Variants in DLGAP1 observed in about 807,000 individuals in gnomAD.
The protein encoded by DLGAP1 is disks large-associated protein 1.
A neutral mutation model predicts 90.8 loss-of-function variants in DLGAP1; 11 were observed. The observed-to-expected ratio is 0.12, with a 90% CI of 0.08 to 0.20. The LOEUF (loss-of-function observed/expected upper bound fraction) is 0.20. Among genes scored for constraint, DLGAP1 ranks in the 10% least tolerant of loss-of-function variants. The probability of loss-of-function intolerance (pLI) is 1.00; values close to 1 mark genes in which losing one functional copy is unlikely to be tolerated. For synonymous variants in DLGAP1, 558 were observed against 540.7 expected (o/e 1.03, Z -0.44); for missense variants, 1,050 against 1,333.8 (o/e 0.79, Z 3.31).
At chr18:3,712,619 T>A (rs781782062) in intron 7 of DLGAP1, among the ~76,000 whole-genome samples, 2 of 152,200 alleles carry the variant, frequency 1.3e-5, no homozygotes, top group Non-Finnish European at 2.9e-5. Context: ...GACAATATGG[T>A]GCGTGAAATG....
At position 4,409,454 on chromosome 18, in the gene DLGAP1, C is replaced by T. The variant is rs192530876; in HGVS notation, c.-267+45552G>A. On this transcript the variant is annotated intron_variant, in intron 1 of 12. Coordinates refer to ENST00000315677, the MANE Select transcript of DLGAP1 (RefSeq NM_004746.4). ...CCTTTTGGTCTTCTTATCTCTATCA[C>T]AGAATTCACAAATCTTGAAAATAAA... Among the ~76,000 whole-genome samples, 217 of 152,264 alleles carry T rather than the reference C, an allele frequency of 1.4e-3. 1 individual carries two copies. The highest frequency in any genetic ancestry group is 4.9e-3 in the African/African-American group (203 of 41,568).
chr18:3,805,733 G>T (rs944448111), intron 5 of DLGAP1, among the ~76,000 whole-genome samples: 1 of 152,204 alleles, frequency 6.6e-6, no homozygotes, highest in African/African-American at 2.4e-5. Flanking sequence ...AGGCTGTAAA[G>T]ATCTTATATA....
chr18:4,278,168 A>G (rs775971986), intron 1 of DLGAP1, among the ~76,000 whole-genome samples: 7 of 152,178 alleles, frequency 4.6e-5, no homozygotes, highest in Non-Finnish European at 1.0e-4. Flanking sequence ...ATATGTATAC[A>G]AAAAGGCTAT....
At chr18:3,957,811 C>G (rs1290365350) in intron 3 of DLGAP1, among the ~76,000 whole-genome samples, 1 of 152,038 alleles carries the variant, frequency 6.6e-6, no homozygotes, top group Non-Finnish European at 1.5e-5. Context: ...TTATATGGAG[C>G]CCAGTATGGG....
At chr18:3,635,163 C>T (rs1174854221) in intron 7 of DLGAP1, among the ~76,000 whole-genome samples, 2 of 147,616 alleles carry the variant, frequency 1.4e-5, no homozygotes, top group East Asian at 2.0e-4. Flanking sequence ...GGGAGTCTCG[C>T]TCTTTCACCC....
intron 2 of DLGAP1, among the ~76,000 whole-genome samples, chr18:4,106,031 CAAAAAAAAAAAAA>C (rs60176243): frequency 0.52 from 53,205 of 103,024 alleles, 10,951 homozygotes; most frequent in African/African-American, 0.59. Context: ...GGGTCCGTCT[CAAAAAAAAAAAAA>C]AAAAAAAAAA....
At chr18:4,277,226 T>C (rs1371731413) in intron 1 of DLGAP1, among the ~76,000 whole-genome samples, 1 of 152,238 alleles carries the variant, frequency 6.6e-6, no homozygotes, top group African/African-American at 2.4e-5. Flanking sequence ...TGTGATCTAA[T>C]AATGCTGCAA....
chr18:4,330,848 A>AAATCATGTT lies in DLGAP1; in HGVS notation c.-267+124149_-267+124157dup, dbSNP rs148575273. 9.6e-4 allele frequency among the ~76,000 whole-genome samples: 146 copies of AAATCATGTT among 152,004 alleles called. 3 individuals carry two copies. Among genetic ancestry groups the AAATCATGTT allele is most frequent in the East Asian group, 8.9e-3 (46 of 5,168 alleles). On this transcript the variant is annotated intron_variant, in intron 1 of 12. Coordinates refer to ENST00000315677, the MANE Select transcript of DLGAP1 (RefSeq NM_004746.4). ...CTGTTGATGAGAGAAATATTCAAGC[A>AAATCATGTT]AATCATGTTAGATGATAGTTTGTTC...
intron 4 of DLGAP1, among the ~76,000 whole-genome samples, chr18:3,818,414 C>T (rs1381066439): frequency 1.6e-5 from 2 of 124,630 alleles, no homozygotes; most frequent in African/African-American, 6.2e-5. Context: ...AGCTGGAGTG[C>T]AGTGGCGTGA....
At chr18:4,293,482 G>A (rs1323527302) in intron 1 of DLGAP1, 4 of 152,222 alleles carry the variant, frequency 2.6e-5, no homozygotes, top group Admixed American at 1.3e-4. Context: ...ACTGAATCAT[G>A]TAAAAGCAGA....
intron 2 of DLGAP1, among the ~76,000 whole-genome samples, chr18:4,121,702 A>G (rs556976014): frequency 6.6e-6 from 1 of 152,122 alleles, no homozygotes; most frequent in South Asian, 2.1e-4. Context: ...AGTTGTGCCC[A>G]ATCTCTCTCC....
chr18:3,674,295 A>AT (rs751799939), intron 7 of DLGAP1, among the ~76,000 whole-genome samples: 60,116 of 134,300 alleles, frequency 0.45, 14,061 homozygotes, highest in East Asian at 0.65. Flanking sequence ...TATAATATTA[A>AT]AATATATATA....
chr18:4,164,563 C>A (rs920410156), intron 1 of DLGAP1, among the ~76,000 whole-genome samples: 2 of 152,034 alleles, frequency 1.3e-5, no homozygotes, highest in Admixed American at 1.3e-4. Flanking sequence ...GCCTGTAATC[C>A]CAGCTACTTG....
rs1043977581 is a variant in DLGAP1, at chr18:4,212,834, C to A, written c.-266-61547G>T. 2.6e-5 allele frequency among the ~76,000 whole-genome samples: 4 copies of A among 151,748 alleles called. 1 individual carries two copies. Among genetic ancestry groups the A allele is most frequent in the Middle Eastern group, 6.3e-3 (2 of 316 alleles). On this transcript the variant is annotated intron_variant, in intron 1 of 12. Transcript: ENST00000315677. ...CATAAATCATATTTATTATAATTTA[C>A]CAATTTTAATCATTCAAAAAATGTT...
At chr18:3,668,631 A>C (rs1181079486) in intron 7 of DLGAP1, among the ~76,000 whole-genome samples, 2 of 152,200 alleles carry the variant, frequency 1.3e-5, no homozygotes, top group African/African-American at 4.8e-5. Flanking sequence ...GGCCTTCAAA[A>C]CAAGCTTCAC....
rs577621091 is a variant in DLGAP1 at position 4,347,461 on chromosome 18, C to T, written c.-267+107545G>A. ...GCAAAAGTACTAAAATAAATGTTGG[C>T]ATGCATAGTATTATATATCATATTA... On this transcript the variant is annotated intron_variant, in intron 1 of 12. Coordinates refer to ENST00000315677, the MANE Select transcript of DLGAP1 (RefSeq NM_004746.4). Among the ~76,000 whole-genome samples, 4 of 152,028 alleles carry T rather than the reference C, an allele frequency of 2.6e-5. No homozygotes were observed. In the South Asian group the frequency reaches 8.3e-4, roughly 32 times the overall value.
At chr18:3,578,044 TCAATTAATTTTTAC>T (rs1003144391) in intron 8 of DLGAP1, among the ~76,000 whole-genome samples, 20 of 152,354 alleles carry the variant, frequency 1.3e-4, no homozygotes, top group African/African-American at 4.6e-4. Context: ...ATATATTTTA[TCAATTAATTTTTAC>T]CATACCCAAA....
intron 7 of DLGAP1, among the ~76,000 whole-genome samples, chr18:3,676,772 T>C (rs2060319185): frequency 6.6e-6 from 1 of 152,106 alleles, no homozygotes; most frequent in South Asian, 2.1e-4. Context: ...AAAAGTACTC[T>C]TCTAATTAAT....
Position 3,534,369 on chromosome 18 carries a change from A to C in DLGAP1, c.2304T>G (p.Pro768=). ...DTDFDPSILP[P]PDPWIDSITE... ...TGATAGAGTCAATCCAGGGGTCCGG[A>C]GGAGGCAGAATAGAGGGGTCAAAAT... Residue 768 remains proline, a synonymous_variant, in exon 10 of 13, where the codon CCT becomes CCG. Transcript: ENST00000315677. The C allele has an allele frequency of 6.2e-7, 1 of 1,614,136 alleles. No homozygotes were observed. The highest frequency in any genetic ancestry group is 2.2e-5 in the East Asian group (1 of 44,880).
Sources: gnomAD v4.1 joint callset for allele counts (sites outside exome capture counted in the v4.1 genomes callset) on GRCh38, gnomAD v4.1.1 for gene constraint, MANE v1.5 for transcripts, NCBI Gene and HGNC (gene_info 2026-07-23, HGNC 2026-07-21) for gene names.